PCSK2: variants seen among roughly 807,000 people sequenced by gnomAD.
PCSK2 encodes neuroendocrine convertase 2.
A neutral mutation model predicts 69.7 loss-of-function variants in PCSK2; 14 were observed. The observed-to-expected ratio is 0.20, with a 90% CI of 0.13 to 0.31. PCSK2 has a LOEUF of 0.31. Among genes scored for constraint, PCSK2 ranks in the 10% least tolerant of loss-of-function variants. The pLI is 1.00. For missense variants in PCSK2, 544 were observed against 842.5 expected, an observed-to-expected ratio of 0.65 and a Z score of 4.39; for synonymous variants, 307 against 320.7, an observed-to-expected ratio of 0.96 and a Z score of 0.46.
intron 1 of PCSK2, among the ~76,000 whole-genome samples, chr20:17,250,236 A>C (rs1292361311): frequency 1.3e-5 from 2 of 152,322 alleles, no homozygotes; most frequent in Non-Finnish European, 2.9e-5. Context: ...ATTATATTTA[A>C]TAGTTATGTC....
At chr20:17,422,085 G>C (rs996019151) in intron 6 of PCSK2, among the ~76,000 whole-genome samples, 1 of 152,050 alleles carries the variant, frequency 6.6e-6, no homozygotes, top group Non-Finnish European at 1.5e-5. Context: ...AAAAACAAAA[G>C]CATGGACATG....
At chr20:17,260,966 G>T (rs1233376248) in intron 2 of PCSK2, among the ~76,000 whole-genome samples, 1 of 151,950 alleles carries the variant, frequency 6.6e-6, no homozygotes, top group Non-Finnish European at 1.5e-5. Context: ...CCTTGCTCTT[G>T]GACTCCAGGT....
At chr20:17,262,930 C>A (rs1266422157) in intron 2 of PCSK2, among the ~76,000 whole-genome samples, 3 of 152,148 alleles carry the variant, frequency 2.0e-5, no homozygotes, top group African/African-American at 7.2e-5. Context: ...ACTACGGTTG[C>A]AGCCCCAGCC....
intron 4 of PCSK2, among the ~76,000 whole-genome samples, chr20:17,360,896 T>C (rs536019784): frequency 6.6e-6 from 1 of 152,134 alleles, no homozygotes; most frequent in Non-Finnish European, 1.5e-5. Context: ...AAGCTGCCTA[T>C]CACTCAACCA....
chr20:17,456,370 A>T lies in PCSK2; in HGVS notation c.1124A>T (p.Asn375Ile). 2 of 1,611,772 alleles carry T rather than the reference A, an allele frequency of 1.2e-6. No individual in the cohort carries two copies. The highest frequency in any genetic ancestry group is 1.7e-6 in the Non-Finnish European group (2 of 1,177,778). Reference sequence around the variant, plus strand: ...CAGGCAACCACAGATTTGTACGGCAACTGCACTCTGAGGCATTCTGGGACA... The same window carrying T: ...CAGGCAACCACAGATTTGTACGGCATCTGCACTCTGAGGCATTCTGGGACA... ...AGVATTDLYG[N>I]CTLRHSGTSA... The change falls in exon 10 of 12, where the codon AAC becomes ATC. Residue 375 changes from asparagine (N) to isoleucine (I), a missense_variant. Asn to Ile is a moderately radical substitution (Grantham distance 149). This residue lies in a region of PCSK2 where 187 missense variants were observed against 399.8 expected (regional missense o/e 0.47). Transcript: ENST00000262545.
At chr20:17,293,416 T>C (rs12624724) in intron 2 of PCSK2, among the ~76,000 whole-genome samples, 20,861 of 152,244 alleles carry the variant, frequency 0.14, 2,139 homozygotes, top group East Asian at 0.55. Flanking sequence ...AAGATTTTAA[T>C]AAGAATGCCT....
At chr20:17,348,099 G>GAAAGAAAGAAAGAAAGA (rs1555790026) in intron 2 of PCSK2, among the ~76,000 whole-genome samples, 3 of 133,098 alleles carry the variant, frequency 2.3e-5, no homozygotes, top group Non-Finnish European at 4.9e-5. Flanking sequence ...AAGAAAGAAA[G>GAAAGAAAGAAAGAAAGA]AAAGAAAAGA....
chr20:17,433,832 C>A (rs1400241925), intron 7 of PCSK2, among the ~76,000 whole-genome samples: 1 of 92,174 alleles, frequency 1.1e-5, no homozygotes, highest in East Asian at 5.0e-4. Flanking sequence ...TCCTTCCCTC[C>A]TCCTCCTCCC....
intron 2 of PCSK2, among the ~76,000 whole-genome samples, chr20:17,286,796 C>T (rs1483331752): frequency 6.6e-6 from 1 of 152,182 alleles, no homozygotes; most frequent in Non-Finnish European, 1.5e-5. Flanking sequence ...GTCTCCATCC[C>T]AGTGAAGGGG....
intron 1 of PCSK2, among the ~76,000 whole-genome samples, chr20:17,256,254 G>A (rs745351148): frequency 6.6e-6 from 1 of 151,934 alleles, no homozygotes; most frequent in Non-Finnish European, 1.5e-5. Context: ...TTTATTTGAT[G>A]ATTCACCATT....
chr20:17,476,179 A>G (rs1254146792), intron 11 of PCSK2, among the ~76,000 whole-genome samples: 3 of 152,186 alleles, frequency 2.0e-5, no homozygotes, highest in African/African-American at 7.2e-5. Flanking sequence ...CAGTTTCCCC[A>G]ACTGCTTTTC....
chr20:17,419,442 A>G (rs1023726121), intron 6 of PCSK2, among the ~76,000 whole-genome samples: 1 of 152,246 alleles, frequency 6.6e-6, no homozygotes, highest in African/African-American at 2.4e-5. Flanking sequence ...TTGACCAAAC[A>G]AAATAATAAT....
intron 5 of PCSK2, among the ~76,000 whole-genome samples, chr20:17,389,851 G>A (rs543210993): frequency 3.3e-5 from 5 of 152,242 alleles, no homozygotes; most frequent in African/African-American, 1.2e-4. Flanking sequence ...TTTGGAAAAA[G>A]TTTGGCAGTT....
At chr20:17,437,202 C>A (rs2032502301) in intron 8 of PCSK2, among the ~76,000 whole-genome samples, 2 of 152,202 alleles carry the variant, frequency 1.3e-5, no homozygotes, top group Admixed American at 6.5e-5. Flanking sequence ...CAGAAAGGGG[C>A]CTGCACTGGC....
intron 2 of PCSK2, among the ~76,000 whole-genome samples, chr20:17,313,223 G>A (rs1176989455): frequency 1.3e-5 from 2 of 152,092 alleles, no homozygotes; most frequent in African/African-American, 2.4e-5. Flanking sequence ...TCAAAATCCA[G>A]TGTGTATTGT....
intron 5 of PCSK2, among the ~76,000 whole-genome samples, chr20:17,408,632 C>T (rs1568636906): frequency 6.6e-6 from 1 of 152,202 alleles, no homozygotes; most frequent in Non-Finnish European, 1.5e-5. Flanking sequence ...CTATAAGTTA[C>T]ATAAGGGCAG....
intron 2 of PCSK2, among the ~76,000 whole-genome samples, chr20:17,273,049 C>G (rs566520212): frequency 1.3e-5 from 2 of 152,108 alleles, no homozygotes; most frequent in African/African-American, 2.4e-5. Context: ...AAATTTTAAT[C>G]AGAGAGCCAA....
intron 10 of PCSK2, among the ~76,000 whole-genome samples, chr20:17,461,985 T>A (rs982626050): frequency 1.3e-5 from 2 of 152,192 alleles, no homozygotes; most frequent in African/African-American, 4.8e-5. Context: ...GGTCAGCCAC[T>A]TCCTAAGAGA....
At chr20:17,415,855 C>A (rs6044796) in intron 6 of PCSK2, among the ~76,000 whole-genome samples, 35 of 152,146 alleles carry the variant, frequency 2.3e-4, no homozygotes, top group Admixed American at 1.4e-3. Context: ...GAACAGAGGC[C>A]TCAGAAATAA....
Sources: allele counts gnomAD v4.1 joint callset (sites outside exome capture counted in the v4.1 genomes callset), GRCh38; gene constraint gnomAD v4.1.1; regional missense constraint gnomAD v4.1.1; transcripts MANE v1.5; gene names NCBI Gene and HGNC (gene_info 2026-07-23, HGNC 2026-07-21).